Variants in ADAMTS17 observed in about 807,000 individuals in gnomAD.
The protein encoded by ADAMTS17 is ADAM metallopeptidase with thrombospondin type 1 motif 17.
In ADAMTS17, 113 loss-of-function variants were observed where a neutral mutation model predicts 141.5. That is an observed-to-expected ratio of 0.80 (90% CI 0.69 to 0.93). The LOEUF (loss-of-function observed/expected upper bound fraction) is 0.93, where lower values mean the gene tolerates loss of function less well. Ranked by LOEUF, ADAMTS17 falls within the 40% of genes least tolerant of loss-of-function variation. The probability of loss-of-function intolerance (pLI) is 0.00; values close to 1 mark genes in which losing one functional copy is unlikely to be tolerated. For synonymous variants in ADAMTS17, 768 were observed against 630.6 expected, an observed-to-expected ratio of 1.22 and a Z score of -3.27; for missense variants, 1,659 against 1,517.9, an observed-to-expected ratio of 1.09 and a Z score of -1.54.
chr15:99,999,272 C>A (rs151189890), intron 18 of ADAMTS17, among the ~76,000 whole-genome samples: 1 of 152,122 alleles, frequency 6.6e-6, no homozygotes, highest in Admixed American at 6.5e-5. Context: ...GCATCTATAA[C>A]AAATATACTA....
At chr15:100,328,041 C>T (rs570187273) in intron 3 of ADAMTS17, among the ~76,000 whole-genome samples, 63 of 152,266 alleles carry the variant, frequency 4.1e-4, no homozygotes, top group Middle Eastern at 3.4e-3. Context: ...CTACAAGAGC[C>T]GGCAAGGCTA....
At chr15:100,075,243 G>A (rs1217673731) in intron 15 of ADAMTS17, among the ~76,000 whole-genome samples, 3 of 152,080 alleles carry the variant, frequency 2.0e-5, no homozygotes, top group Non-Finnish European at 2.9e-5. Flanking sequence ...ACTCTCTAAG[G>A]TAATTCCTAT....
intron 7 of ADAMTS17, among the ~76,000 whole-genome samples, chr15:100,200,627 T>A (rs891147466): frequency 6.6e-6 from 1 of 152,196 alleles, no homozygotes; most frequent in Non-Finnish European, 1.5e-5. Flanking sequence ...GGGGTGGCTA[T>A]AGGAGCTCAG....
intron 2 of ADAMTS17, among the ~76,000 whole-genome samples, chr15:100,340,282 C>A (rs1006082625): frequency 6.6e-6 from 1 of 152,202 alleles, no homozygotes; most frequent in African/African-American, 2.4e-5. Flanking sequence ...CCCCTGGGAG[C>A]ACCTGTTCCG....
intron 20 of ADAMTS17, 97 bp downstream of exon 20, chr15:99,992,951 G>C (rs1265502108): frequency 3.4e-6 from 5 of 1,485,550 alleles, no homozygotes; most frequent in Non-Finnish European, 4.6e-6. Context: ...CGCTGGGACT[G>C]CCGCGTAGAA....
intron 12 of ADAMTS17, among the ~76,000 whole-genome samples, chr15:100,117,329 C>G (rs866765162): frequency 1.3e-5 from 2 of 152,178 alleles, no homozygotes; most frequent in South Asian, 4.1e-4. Flanking sequence ...CCATGGGTAA[C>G]ACTGAAAACC....
intron 12 of ADAMTS17, among the ~76,000 whole-genome samples, chr15:100,128,114 G>A (rs2037840068): frequency 6.6e-6 from 1 of 152,118 alleles, no homozygotes; most frequent in Non-Finnish European, 1.5e-5. Flanking sequence ...GGATGGTGGT[G>A]CTATTTACTG....
intron 15 of ADAMTS17, among the ~76,000 whole-genome samples, chr15:100,060,845 G>GAGTAATTCAA (rs1263632061): frequency 6.6e-6 from 1 of 152,206 alleles, no homozygotes; most frequent in Non-Finnish European, 1.5e-5. Flanking sequence ...GCAAATGTGA[G>GAGTAATTCAA]AGTAATTCAA....
rs149599083 is a variant in ADAMTS17 at position 99,993,805 on chromosome 15, G to T, written c.2797-605C>A. On this transcript the variant is annotated intron_variant, in intron 19 of 21. Transcript: ENST00000268070. This position sits in a 1 kb window ranked among gnomAD's most constrained non-coding sequence, Gnocchi z 4.3. ...ATGTCTGAATGCAGACACCAAGAAT[G>T]GTGACAGACGCATGGCCCCTGTGGT... 4.8e-3 allele frequency among the ~76,000 whole-genome samples: 729 copies of T among 152,328 alleles called. 6 individuals are homozygous for T. Among genetic ancestry groups the T allele is most frequent in the African/African-American group, 0.016 (670 of 41,564 alleles).
intron 3 of ADAMTS17, among the ~76,000 whole-genome samples, chr15:100,303,242 A>G (rs2045107364): frequency 6.7e-6 from 1 of 148,322 alleles, no homozygotes; most frequent in Non-Finnish European, 1.5e-5. Flanking sequence ...TATATATTCC[A>G]TTAGTTCTGT....
intron 3 of ADAMTS17, among the ~76,000 whole-genome samples, chr15:100,292,130 G>GCCCGTGGGGAGTCACGAGACACGCTCAC (rs1596461870): frequency 7.3e-6 from 1 of 137,312 alleles, no homozygotes; most frequent in Admixed American, 7.3e-5. Context: ...GAGACGCTCA[G>GCCCGTGGGGAGTCACGAGACACGCTCAC]CCCGTGGGGA....
chr15:100,257,518 A>G (rs1482368887), intron 6 of ADAMTS17, among the ~76,000 whole-genome samples: 1 of 152,258 alleles, frequency 6.6e-6, no homozygotes, highest in Non-Finnish European at 1.5e-5. Context: ...CAAAATGCAG[A>G]AGAAAGCTCA....
intron 7 of ADAMTS17, among the ~76,000 whole-genome samples, chr15:100,251,609 C>T (rs1255207537): frequency 6.6e-6 from 1 of 152,186 alleles, no homozygotes; most frequent in Non-Finnish European, 1.5e-5. Context: ...CCTGTAGTCC[C>T]AGCTACTCAG....
At chr15:100,053,862 C>A in intron 16 of ADAMTS17, 35 bp downstream of exon 16, 2 of 1,614,092 alleles carry the variant, frequency 1.2e-6, no homozygotes, top group South Asian at 1.1e-5. Context: ...CGGAGCCACA[C>A]CCCCTAAGAC....
intron 8 of ADAMTS17, among the ~76,000 whole-genome samples, chr15:100,190,520 G>A (rs1323963195): frequency 1.3e-5 from 2 of 152,136 alleles, no homozygotes; most frequent in African/African-American, 4.8e-5. Context: ...CCACAGGTTG[G>A]GCCTGTCCAC....
chr15:100,152,858 A>T lies in ADAMTS17; in HGVS notation c.1323-96T>A, dbSNP rs531034251. On this transcript the variant is annotated intron_variant, in intron 9 of 21. Transcript: ENST00000268070. The stretch of plus-strand genomic sequence containing the variant: ...TTTTTTGAGTTTTCAGTCACTGAGA[A>T]GAGGGCACCTCCACGTTCCTTATGG... 2.8e-4 allele frequency: 416 copies of T among 1,480,116 alleles called. 7 individuals are homozygous for T. In the South Asian group the frequency reaches 4.8e-3, roughly 17 times the overall value. 91.7% of individuals were successfully genotyped at this position (1,480,116 alleles called of 1,614,324 possible).
At chr15:100,199,109 AT>A (rs769997466) in intron 8 of ADAMTS17, among the ~76,000 whole-genome samples, 2 of 152,220 alleles carry the variant, frequency 1.3e-5, no homozygotes, top group Non-Finnish European at 2.9e-5. Context: ...TGCACATCAA[AT>A]TAACATTTCA....
At chr15:100,101,943 C>T (rs1361324566) in intron 14 of ADAMTS17, among the ~76,000 whole-genome samples, 1 of 152,204 alleles carries the variant, frequency 6.6e-6, no homozygotes, top group East Asian at 1.9e-4. Flanking sequence ...CCAGGATTTA[C>T]TGGGTTCCTG....
rs561494603 is a variant in ADAMTS17, at chr15:99,997,946, G to A, written c.2592-357C>T. Among the ~76,000 whole-genome samples the A allele has an allele frequency of 1.8e-4, 27 of 152,254 alleles. No individual in the cohort carries two copies. Among genetic ancestry groups the A allele is most frequent in the African/African-American group, 5.5e-4 (23 of 41,540 alleles). ...GTGAAGAGGATGCTGGCGGCGTCCCGGCAGAAGCTCTGAATGTGGTTATGT... is the reference window on the plus strand; with the variant it reads ...GTGAAGAGGATGCTGGCGGCGTCCCAGCAGAAGCTCTGAATGTGGTTATGT... On this transcript the variant is annotated intron_variant, in intron 18 of 21. Transcript: ENST00000268070. The surrounding 1 kb of genome is among the most constrained non-coding windows in gnomAD (Gnocchi z 4.7).
Sources: gnomAD v4.1 joint callset for allele counts (sites outside exome capture counted in the v4.1 genomes callset) on GRCh38, gnomAD v4.1.1 for gene constraint, Gnocchi (gnomAD v3.1) non-coding constraint, MANE v1.5 for transcripts, NCBI Gene and HGNC (gene_info 2026-07-23, HGNC 2026-07-21) for gene names.